Variants in GLO1 observed in about 807,000 individuals in gnomAD.
The protein encoded by GLO1 is glyoxalase I.
GLO1 carries 28 observed loss-of-function variants against 26.0 expected under a neutral mutation model. The ratio of observed to expected loss-of-function variants is 1.08; its 90% CI spans 0.80 to 1.48. GLO1 has a LOEUF of 1.48. Ranked by LOEUF, GLO1 falls within the 40% of genes most tolerant of loss-of-function variation. The probability of loss-of-function intolerance (pLI) is 0.00; values close to 1 mark genes in which losing one functional copy is unlikely to be tolerated. For synonymous variants in GLO1, 78 were observed against 77.6 expected, an observed-to-expected ratio of 1.00 and a Z score of -0.03; for missense variants, 225 against 224.8, an observed-to-expected ratio of 1.00 and a Z score of -0.01.
intron 3 of GLO1, 68 bp downstream of exon 3, chr6:38,684,306 C>CA: frequency 1.2e-6 from 1 of 802,174 alleles, no homozygotes. Context: ...GTAAACAAAA[C>CA]AAAAAAGATT....
At chr6:38,687,028 C>T in intron 1 of GLO1, 54 bp from the exon 2 acceptor site, 1 of 1,540,290 alleles carries the variant, frequency 6.5e-7, no homozygotes, top group Non-Finnish European at 8.9e-7. Flanking sequence ...TTATTACCAA[C>T]ATTAATTGTG....
chr6:38,684,318 T>C, intron 3 of GLO1, 56 bp downstream of exon 3: 1 of 956,286 alleles, frequency 1.0e-6, no homozygotes, highest in Non-Finnish European at 1.4e-6. Context: ...AAAAAGATTT[T>C]TAAAAACTAC....
intron 1 of GLO1, among the ~76,000 whole-genome samples, chr6:38,688,218 T>G (rs570480926): frequency 1.4e-4 from 21 of 152,152 alleles, no homozygotes; most frequent in Non-Finnish European, 2.1e-4. Context: ...CCAGGCAGGT[T>G]ACATGTTTCT....
At chr6:38,685,426 GTGGC>G (rs2127546729) in intron 2 of GLO1, among the ~76,000 whole-genome samples, 1 of 152,254 alleles carries the variant, frequency 6.6e-6, no homozygotes, top group Non-Finnish European at 1.5e-5. Context: ...AAGGAGTAAG[GTGGC>G]ATGAGAATGC....
intron 5 of GLO1, among the ~76,000 whole-genome samples, chr6:38,680,026 A>G (rs1198347880): frequency 6.6e-6 from 1 of 152,200 alleles, no homozygotes; most frequent in African/African-American, 2.4e-5. Flanking sequence ...AATAATATAA[A>G]AAGCTTCTAG....
At chr6:38,702,632 A>G (rs994704108) in intron 1 of GLO1, among the ~76,000 whole-genome samples, 1 of 152,102 alleles carries the variant, frequency 6.6e-6, no homozygotes, top group Non-Finnish European at 1.5e-5. Flanking sequence ...CTTTGAACCT[A>G]TTTCTGGGAG....
chr6:38,682,185 A>G, intron 4 of GLO1, 84 bp from the exon 5 acceptor site: 2 of 806,562 alleles, frequency 2.5e-6, no homozygotes, highest in East Asian at 4.9e-5. Flanking sequence ...TAGATTCCAA[A>G]ACTTGTTTAT....
intron 5 of GLO1, among the ~76,000 whole-genome samples, chr6:38,680,942 G>A (rs987661132): frequency 2.0e-5 from 3 of 152,212 alleles, no homozygotes; most frequent in South Asian, 2.1e-4. Flanking sequence ...ATCAAACACC[G>A]TGATATATTT....
chr6:38,695,947 C>T (rs897535870), intron 1 of GLO1, among the ~76,000 whole-genome samples: 2 of 152,116 alleles, frequency 1.3e-5, no homozygotes, highest in Admixed American at 6.5e-5. Flanking sequence ...AAACTCATTG[C>T]CTTGTTGTTC....
chr6:38,684,462 C>T lies in GLO1; in HGVS notation c.220G>A (p.Ala74Thr). ...GGGATGTCATTTTTATCCTCATAAG[C>T]CAAGAAGTAGAGTGAAAACTTCATA... ...PIMKFSLYFL[A>T]YEDKNDIPKE... The change falls in exon 3 of 6, where the codon GCT (alanine) becomes ACT (threonine). Residue 74 changes from alanine (A) to threonine (T), a missense_variant. Coordinates refer to ENST00000373365, the MANE Select transcript of GLO1 (RefSeq NM_006708.3). The T allele has an allele frequency of 6.4e-7, 1 of 1,567,814 alleles. No homozygotes were observed. The highest frequency in any genetic ancestry group is 8.7e-7 in the Non-Finnish European group (1 of 1,155,146).
intron 1 of GLO1, among the ~76,000 whole-genome samples, chr6:38,688,172 T>C (rs971571295): frequency 6.6e-6 from 1 of 152,194 alleles, no homozygotes; most frequent in Non-Finnish European, 1.5e-5. Flanking sequence ...ATAAATATAA[T>C]AATTAAATTC....
At chr6:38,683,935 C>T (rs182585901) in intron 3 of GLO1, among the ~76,000 whole-genome samples, 10 of 152,118 alleles carry the variant, frequency 6.6e-5, no homozygotes, top group Admixed American at 1.3e-4. Context: ...ATGGGCCAGG[C>T]GTGGTGGCTC....
chr6:38,677,054 A>G lies in GLO1; in HGVS notation c.*241T>C. 2.1e-6 allele frequency: 1 copy of G among 484,208 alleles called. No homozygotes were observed. Among genetic ancestry groups the G allele is most frequent in the Admixed American group, 3.9e-5 (1 of 25,436 alleles). The allele number at this position is 484,208 out of a possible 1,614,324, so 30.0% of individuals were successfully genotyped here. A position where few individuals can be genotyped will look rare whatever the true frequency, so the allele number is the denominator to read the frequency against. ...GCCTCTGAAGGGAACTGTTCTAATTATTACCTAAAAAATAAAGTTACACAA... is the reference window on the plus strand; with the variant it reads ...GCCTCTGAAGGGAACTGTTCTAATTGTTACCTAAAAAATAAAGTTACACAA... On this transcript the variant is annotated 3_prime_UTR_variant, in exon 6 of 6. Transcript: ENST00000373365.
At chr6:38,694,805 A>G (rs1761585749) in intron 1 of GLO1, among the ~76,000 whole-genome samples, 1 of 152,102 alleles carries the variant, frequency 6.6e-6, no homozygotes, top group Non-Finnish European at 1.5e-5. Context: ...TATATTTATG[A>G]TTACTGTGTC....
intron 1 of GLO1, among the ~76,000 whole-genome samples, chr6:38,693,587 T>C (rs553925449): frequency 1.3e-5 from 2 of 152,068 alleles, no homozygotes; most frequent in East Asian, 3.9e-4. Context: ...TCTTTTATAA[T>C]GTATGCAGTC....
intron 1 of GLO1, among the ~76,000 whole-genome samples, chr6:38,696,786 A>G (rs1478135077): frequency 6.6e-6 from 1 of 152,206 alleles, no homozygotes; most frequent in Admixed American, 6.5e-5. Flanking sequence ...CAGAAATTAA[A>G]AAATTTCTCT....
At position 38,686,908 on chromosome 6, in the gene GLO1, T is replaced by C. The variant is rs560135215; in HGVS notation, c.151A>G (p.Arg51Gly). ...DPKKSLDFYTRVLGMTLIQKC... is the reference protein window; with the variant it reads ...DPKKSLDFYTGVLGMTLIQKC... The stretch of plus-strand genomic sequence containing the variant: ...TTGACTTACGTCATTCCAAGAACTC[T>C]AGTATAAAAATCCAGTGACTTCTTA... Residue 51 changes from arginine to glycine, a missense_variant, in exon 2 of 6, where the codon AGA (arginine) becomes GGA (glycine). Physicochemically the swap from Arg to Gly is moderately radical, Grantham distance 125 (BLOSUM62 -2). Coordinates refer to ENST00000373365, the MANE Select transcript of GLO1 (RefSeq NM_006708.3). 6.3e-7 allele frequency: 1 copy of C among 1,575,938 alleles called. No individual in the cohort carries two copies. The highest frequency in any genetic ancestry group is 2.2e-5 in the East Asian group (1 of 44,686).
rs530406666 is a variant in GLO1 at position 38,687,598 on chromosome 6, C to T, written c.85-624G>A. Among the ~76,000 whole-genome samples the T allele has an allele frequency of 2.0e-5, 3 of 152,316 alleles. No individual in the cohort carries two copies. In the South Asian group the frequency reaches 6.2e-4, roughly 32 times the overall value. On this transcript the variant is annotated intron_variant, in intron 1 of 5. Transcript: ENST00000373365. ...GGGTAAAAAGTTACTGTTGCTAACACCTTTGGGAAATTCAACTTACTTATC... is the reference window on the plus strand; with the variant it reads ...GGGTAAAAAGTTACTGTTGCTAACATCTTTGGGAAATTCAACTTACTTATC...
chr6:38,682,939 A>C, intron 3 of GLO1, 64 bp from the exon 4 acceptor site: 1 of 952,036 alleles, frequency 1.1e-6, no homozygotes, highest in Non-Finnish European at 1.7e-6. Flanking sequence ...AAAGCAAGTA[A>C]CATCTTTGAA....
Sources: gnomAD v4.1 joint callset for allele counts (sites outside exome capture counted in the v4.1 genomes callset) on GRCh38, gnomAD v4.1.1 for gene constraint, MANE v1.5 for transcripts, NCBI Gene and HGNC (gene_info 2026-07-23, HGNC 2026-07-21) for gene names.